Variants in TECRL observed in about 807,000 individuals in gnomAD.
TECRL encodes the protein trans-2,3-enoyl-CoA reductase-like.
Under a neutral mutation model 52.8 loss-of-function variants are expected in TECRL, and 63 were observed. That is an observed-to-expected ratio of 1.19 (90% CI 0.97 to 1.47). The LOEUF (loss-of-function observed/expected upper bound fraction) is 1.47, where lower values mean the gene tolerates loss of function less well. Among genes scored for constraint, TECRL ranks in the 40% most tolerant of loss-of-function variants. The probability of loss-of-function intolerance (pLI) is 0.00; values close to 1 mark genes in which losing one functional copy is unlikely to be tolerated. For missense variants in TECRL, 482 were observed against 429.6 expected (o/e 1.12, Z -1.08); for synonymous variants, 164 against 141.9 (o/e 1.16, Z -1.10).
intron 4 of TECRL, among the ~76,000 whole-genome samples, chr4:64,318,876 G>A (rs915788799): frequency 2.0e-5 from 3 of 151,796 alleles, no homozygotes; most frequent in Non-Finnish European, 2.9e-5. Flanking sequence ...TAACTAAATC[G>A]CAGCAAAAAG....
At chr4:64,381,164 T>C (rs1377345726) in intron 1 of TECRL, among the ~76,000 whole-genome samples, 1 of 152,078 alleles carries the variant, frequency 6.6e-6, no homozygotes, top group Non-Finnish European at 1.5e-5. Context: ...GTAAATGAGA[T>C]AAAATTATTG....
intron 8 of TECRL, among the ~76,000 whole-genome samples, chr4:64,291,429 A>T (rs1723382234): frequency 6.6e-6 from 1 of 151,984 alleles, no homozygotes; most frequent in African/African-American, 2.4e-5. Flanking sequence ...CAACTTAGAC[A>T]GCTTGTCATA....
At chr4:64,340,601 C>A (rs1037364970) in intron 2 of TECRL, among the ~76,000 whole-genome samples, 1 of 152,212 alleles carries the variant, frequency 6.6e-6, no homozygotes, top group Non-Finnish European at 1.5e-5. Context: ...GGAGGAAAGC[C>A]ATAGGGGTAC....
In TECRL at chr4:64,346,972, G is replaced by C. The variant is rs537489149; in HGVS notation, c.287-18416C>G. On this transcript the variant is annotated intron_variant, in intron 2 of 11. Coordinates refer to ENST00000381210, the MANE Select transcript of TECRL (RefSeq NM_001010874.5). ...GCTGAACTTGAAGCCTGTTCTGTGT[G>C]TGCCTACGTCTGTACAGTTTCTACC... 2.0e-5 allele frequency among the ~76,000 whole-genome samples: 3 copies of C among 152,320 alleles called. No individual in the cohort carries two copies. The East Asian group carries it at 5.8e-4, about 29-fold the overall frequency.
intron 2 of TECRL, among the ~76,000 whole-genome samples, chr4:64,370,441 A>G (rs1195509190): frequency 6.6e-6 from 1 of 151,916 alleles, no homozygotes; most frequent in Non-Finnish European, 1.5e-5. Flanking sequence ...TAGATTTGAG[A>G]AAAGAAGGAA....
At chr4:64,304,344 G>C (rs1402814488) in intron 7 of TECRL, among the ~76,000 whole-genome samples, 1 of 151,880 alleles carries the variant, frequency 6.6e-6, no homozygotes, top group African/African-American at 2.4e-5. Flanking sequence ...TCACTTCCCA[G>C]ACTGAACTTG....
At chr4:64,280,283 C>G in intron 11 of TECRL, 84 bp from the exon 12 acceptor site, 1 of 1,090,154 alleles carries the variant, frequency 9.2e-7, no homozygotes, top group East Asian at 3.0e-5. Flanking sequence ...GCATGTTTAG[C>G]TTTTAAGATG....
intron 2 of TECRL, among the ~76,000 whole-genome samples, chr4:64,362,495 A>T (rs1223780787): frequency 6.6e-6 from 1 of 152,142 alleles, no homozygotes; most frequent in Non-Finnish European, 1.5e-5. Context: ...CCATCAGGCT[A>T]ACACCAGACC....
intron 5 of TECRL, among the ~76,000 whole-genome samples, chr4:64,310,730 G>A (rs186422622): frequency 9.4e-4 from 143 of 152,098 alleles, no homozygotes; most frequent in African/African-American, 2.3e-3. Flanking sequence ...CTTTTTGTGC[G>A]TTGTTTTTGT....
intron 9 of TECRL, among the ~76,000 whole-genome samples, chr4:64,285,706 G>A (rs1204202265): frequency 6.6e-6 from 1 of 152,126 alleles, no homozygotes; most frequent in Non-Finnish European, 1.5e-5. Context: ...GGACTTTATA[G>A]ATCAGAACCC....
rs1310883740 is a variant in TECRL, at chr4:64,314,693, T to C, written c.506A>G (p.Tyr169Cys). 2 of 1,613,494 alleles carry C rather than the reference T, an allele frequency of 1.2e-6. No individual in the cohort carries two copies. The change falls in exon 5 of 12, where the codon TAT becomes TGT. Residue 169 changes from tyrosine (Y) to cysteine (C), a missense_variant. Physicochemically the swap from Tyr to Cys is radical, Grantham distance 194. Coordinates refer to ENST00000381210, the MANE Select transcript of TECRL (RefSeq NM_001010874.5). ...TCTTCTAGCACTCTCTTTTCCATCA[T>C]ATATACATGGGATCCTCAAATAAAA... Reference protein sequence around the residue: ...LLFYLRIPCIYDGKESARRLR... With the variant: ...LLFYLRIPCICDGKESARRLR...
At chr4:64,387,948 A>AT (rs1723291890) in intron 1 of TECRL, among the ~76,000 whole-genome samples, 1 of 151,646 alleles carries the variant, frequency 6.6e-6, no homozygotes, top group African/African-American at 2.4e-5. Context: ...TTTTGCAAAT[A>AT]TTTTTTCCAG....
At chr4:64,319,607 T>C (rs966303130) in intron 4 of TECRL, among the ~76,000 whole-genome samples, 9 of 151,968 alleles carry the variant, frequency 5.9e-5, no homozygotes, top group East Asian at 5.8e-4. Flanking sequence ...CAACACTGTA[T>C]CCCAGATAAA....
intron 2 of TECRL, among the ~76,000 whole-genome samples, chr4:64,370,170 C>A (rs1480536013): frequency 6.6e-6 from 1 of 151,538 alleles, no homozygotes; most frequent in East Asian, 1.9e-4. Flanking sequence ...TTCAAATGGT[C>A]AAGAAACCAA....
intron 4 of TECRL, 104 bp downstream of exon 4, chr4:64,322,585 T>C (rs1577870168): frequency 2.9e-6 from 2 of 684,274 alleles, no homozygotes; most frequent in South Asian, 4.7e-5. Context: ...TACCTTTCAC[T>C]ACATTTTGTT....
chr4:64,407,448 T>G (rs570253589), intron 1 of TECRL, among the ~76,000 whole-genome samples: 2 of 151,724 alleles, frequency 1.3e-5, no homozygotes, highest in East Asian at 3.9e-4. Context: ...AAGAAAAAAT[T>G]TAAATGTGTA....
At chr4:64,333,500 C>G (rs573816494) in intron 2 of TECRL, among the ~76,000 whole-genome samples, 7 of 152,002 alleles carry the variant, frequency 4.6e-5, no homozygotes, top group Non-Finnish European at 1.0e-4. Flanking sequence ...TAATTCTATA[C>G]AAAAAAGCAG....
At chr4:64,365,671 A>C (rs10025479) in intron 2 of TECRL, among the ~76,000 whole-genome samples, 1 of 151,914 alleles carries the variant, frequency 6.6e-6, no homozygotes, top group Non-Finnish European at 1.5e-5. Context: ...ATAGCTAATC[A>C]GAGAGGTAGA....
rs1365479771 is a variant in TECRL at position 64,278,368 on chromosome 4, A to G, written c.*1704T>C. On this transcript the variant is annotated 3_prime_UTR_variant, in exon 12 of 12. Coordinates refer to ENST00000381210, the MANE Select transcript of TECRL (RefSeq NM_001010874.5). ...TATGACACATCTCACTAACAGATTG[A>G]ACAATAAAAGAATTAAATTATTGTC... is the stretch of plus-strand genomic sequence containing the variant. 4.5e-6 allele frequency: 1 copy of G among 224,258 alleles called. No individual in the cohort carries two copies. The highest frequency in any genetic ancestry group is 7.4e-6 in the Non-Finnish European group (1 of 134,360). 13.9% of individuals were successfully genotyped at this position (224,258 alleles called of 1,614,324 possible). A position where few individuals can be genotyped will look rare whatever the true frequency, so the allele number is the denominator to read the frequency against.
Sources: allele counts gnomAD v4.1 joint callset (sites outside exome capture counted in the v4.1 genomes callset), GRCh38; gene constraint gnomAD v4.1.1; transcripts MANE v1.5; gene names NCBI Gene and HGNC (gene_info 2026-07-23, HGNC 2026-07-21).